Variants in KCTD1 observed in about 807,000 individuals in gnomAD.
KCTD1 encodes the protein potassium channel tetramerization domain containing 1.
Under a neutral mutation model 66.0 loss-of-function variants are expected in KCTD1, and 24 were observed. That is an observed-to-expected ratio of 0.36 (90% CI 0.26 to 0.51). The LOEUF is 0.51. Among genes scored for constraint, KCTD1 ranks in the 20% least tolerant of loss-of-function variants. The pLI is 0.95. For missense variants in KCTD1, 943 were observed against 1,205.2 expected (o/e 0.78, Z 3.22); for synonymous variants, 511 against 517.2 (o/e 0.99, Z 0.16).
chr18:26,555,615 G>T (rs996006874), intron 1 of KCTD1, among the ~76,000 whole-genome samples: 2 of 152,158 alleles, frequency 1.3e-5, no homozygotes, highest in African/African-American at 4.8e-5. Context: ...AGGCCACTTG[G>T]ACAAATGAAT....
chr18:26,643,761 G>T (rs998262360), upstream of KCTD1, among the ~76,000 whole-genome samples: 2 of 152,156 alleles, frequency 1.3e-5, no homozygotes, highest in Non-Finnish European at 1.5e-5. Context: ...AGGAGATGGA[G>T]ACCATCCTGG....
At chr18:26,492,480 A>G (rs1379286486) in intron 2 of KCTD1, among the ~76,000 whole-genome samples, 1 of 152,076 alleles carries the variant, frequency 6.6e-6, no homozygotes, top group African/African-American at 2.4e-5. Context: ...TAAAAAATTA[A>G]AAATTAACCG....
intron 2 of KCTD1, among the ~76,000 whole-genome samples, chr18:26,487,107 G>A (rs980683956): frequency 3.3e-5 from 5 of 151,940 alleles, no homozygotes; most frequent in African/African-American, 9.7e-5. Context: ...ACACACACAC[G>A]ACTTCATTGA....
At chr18:26,626,117 T>C (rs1030956161) in intron 1 of KCTD1, among the ~76,000 whole-genome samples, 1 of 150,292 alleles carries the variant, frequency 6.7e-6, no homozygotes. Flanking sequence ...ACTGGATCCT[T>C]CCTTAATGGG....
chr18:26,479,740 G>A (rs1215650002), intron 2 of KCTD1, among the ~76,000 whole-genome samples: 1 of 152,268 alleles, frequency 6.6e-6, no homozygotes, highest in Non-Finnish European at 1.5e-5. Context: ...TGAAAACACA[G>A]TGGAGGGGGC....
intron 1 of KCTD1, among the ~76,000 whole-genome samples, chr18:26,638,452 G>C (rs1231465701): frequency 6.6e-6 from 1 of 152,244 alleles, no homozygotes; most frequent in Non-Finnish European, 1.5e-5. Context: ...TCTGCTGGCT[G>C]TTCAAGCTGT....
intron 1 of KCTD1, among the ~76,000 whole-genome samples, chr18:26,539,329 C>T (rs769454171): frequency 3.9e-5 from 6 of 152,148 alleles, no homozygotes; most frequent in African/African-American, 7.2e-5. Flanking sequence ...GAGACCACAT[C>T]GGCCAGTGCT....
At chr18:26,549,227 G>T (rs1315048584), upstream of KCTD1, 2 of 986,416 alleles carry the variant, frequency 2.0e-6, no homozygotes, top group Non-Finnish European at 2.4e-6. Context: ...GGCGGCGGCG[G>T]CGGCTCCCCC....
intron 1 of KCTD1, among the ~76,000 whole-genome samples, chr18:26,514,466 C>T (rs376656415): frequency 3.4e-5 from 5 of 149,152 alleles, no homozygotes; most frequent in African/African-American, 1.2e-4. Context: ...AGGAGGACTA[C>T]GTAAGCCCAG....
intron 1 of KCTD1, among the ~76,000 whole-genome samples, chr18:26,524,872 G>A (rs933354441): frequency 3.3e-5 from 5 of 151,926 alleles, no homozygotes; most frequent in Non-Finnish European, 7.4e-5. Flanking sequence ...GGCACAAACC[G>A]CATATGCTCT....
chr18:26,577,811 T>C (rs922793504), intron 1 of KCTD1, among the ~76,000 whole-genome samples: 1 of 152,108 alleles, frequency 6.6e-6, no homozygotes, highest in African/African-American at 2.4e-5. Flanking sequence ...AGACCTCAAG[T>C]GATCCTCCTG....
chr18:26,601,336 A>T (rs1044407230), intron 1 of KCTD1, among the ~76,000 whole-genome samples: 97 of 151,188 alleles, frequency 6.4e-4, no homozygotes, highest in African/African-American at 2.3e-3. Flanking sequence ...TAAAAAAAAA[A>T]AAAAAAAAAA....
upstream of KCTD1, among the ~76,000 whole-genome samples, chr18:26,552,105 G>A (rs1004220389): frequency 6.6e-6 from 1 of 152,112 alleles, no homozygotes; most frequent in African/African-American, 2.4e-5. Flanking sequence ...TGGTGGGGGT[G>A]GGGGGTCTCT....
chr18:26,535,074 G>A (rs914163546), intron 1 of KCTD1, among the ~76,000 whole-genome samples: 1 of 132,730 alleles, frequency 7.5e-6, no homozygotes, highest in South Asian at 2.6e-4. Flanking sequence ...AGAGCTCCCT[G>A]CCAAGGGCAT....
chr18:26,523,081 TTTTCCATGGTGA>T (rs1409912890), intron 1 of KCTD1, among the ~76,000 whole-genome samples: 6 of 152,188 alleles, frequency 3.9e-5, no homozygotes, highest in African/African-American at 1.4e-4. Context: ...TTACATTTTT[TTTTCCATGGTGA>T]TGTTGTAGAT....
intron 1 of KCTD1, among the ~76,000 whole-genome samples, chr18:26,620,832 G>T: frequency 1.2e-5 from 1 of 82,082 alleles, no homozygotes; most frequent in African/African-American, 4.6e-5. Flanking sequence ...CACTTGAAAA[G>T]CTTTTTTTTT....
At chr18:26,550,486 C>A (rs1442877063), upstream of KCTD1, among the ~76,000 whole-genome samples, 1 of 152,020 alleles carries the variant, frequency 6.6e-6, no homozygotes, top group African/African-American at 2.4e-5. The surrounding 1 kb of genome is among the most constrained non-coding windows in gnomAD (Gnocchi z 5.4). Context: ...GGGGAAACCG[C>A]GCCAGGTGTG....
chr18:26,570,920 C>T (rs371632306), intron 1 of KCTD1, among the ~76,000 whole-genome samples: 1 of 152,152 alleles, frequency 6.6e-6, no homozygotes, highest in Non-Finnish European at 1.5e-5. Context: ...AATCATATGC[C>T]GAGTATAACT....
chr18:26,605,440 G>GT (rs1213992003), intron 1 of KCTD1, among the ~76,000 whole-genome samples: 2 of 151,904 alleles, frequency 1.3e-5, no homozygotes, highest in Non-Finnish European at 2.9e-5. Context: ...TTAACTGTGT[G>GT]TTTTTTTAAA....
Sources: allele counts gnomAD v4.1 joint callset (sites outside exome capture counted in the v4.1 genomes callset), GRCh38; gene constraint gnomAD v4.1.1; non-coding constraint Gnocchi (gnomAD v3.1); transcripts MANE v1.5; gene names NCBI Gene and HGNC (gene_info 2026-07-23, HGNC 2026-07-21).